Variants in MZF1 observed in about 807,000 individuals in gnomAD.
MZF1 encodes myeloid zinc finger 1, also known as zinc finger and SCAN domain-containing protein 6.
Under a neutral mutation model 28.6 loss-of-function variants are expected in MZF1, and 24 were observed. That is an observed-to-expected ratio of 0.84 (90% CI 0.61 to 1.18). The LOEUF is 1.18. MZF1 is among the 50% of genes most tolerant of loss of function. The pLI is 0.00. For missense variants in MZF1, 1,166 were observed against 1,026.4 expected (o/e 1.14, Z -1.86); for synonymous variants, 516 against 432.5 (o/e 1.19, Z -2.40).
intron 1 of MZF1, 98 bp from the exon 2 acceptor site, chr19:58,571,527 T>C (rs2054163732): frequency 7.1e-6 from 8 of 1,126,956 alleles, no homozygotes; most frequent in Non-Finnish European, 9.9e-6. Flanking sequence ...ACCTACCCCA[T>C]GTGGAAGGCA....
intron 5 of MZF1, among the ~76,000 whole-genome samples, chr19:58,564,852 C>CA (rs1376914614): frequency 8.0e-6 from 1 of 125,044 alleles, no homozygotes; most frequent in African/African-American, 3.0e-5. Flanking sequence ...GGAAGATGCA[C>CA]AAAAAATGCC....
chr19:58,570,106 T>C (rs1179710760), intron 3 of MZF1: 1 of 462,048 alleles, frequency 2.2e-6, no homozygotes, highest in East Asian at 3.6e-5. Context: ...GCCTGCTCCA[T>C]GCCATGGGGT....
chr19:58,567,989 C>A (rs1253677661), intron 5 of MZF1, among the ~76,000 whole-genome samples: 1 of 152,150 alleles, frequency 6.6e-6, no homozygotes, highest in African/African-American at 2.4e-5. Context: ...GTAATCCCAG[C>A]ACTCTGGGAG....
rs761167713 is a variant in MZF1 at position 58,563,452 on chromosome 19, A to C, written c.825T>G (p.Pro275=). Residue 275 remains proline (P), a synonymous_variant, in exon 6 of 6, where the codon CCT becomes CCG. Coordinates refer to ENST00000215057, the MANE Select transcript of MZF1 (RefSeq NM_198055.2). ...SISAGPGSVS[P]HLHVPWDLGM... ...CGAGGTCCCAGGGGACGTGGAGGTG[A>C]GGGCTTACACTACCTGGACCTGCGG... 2 of 1,581,548 alleles carry C rather than the reference A, an allele frequency of 1.3e-6. No homozygotes were observed. Among genetic ancestry groups the C allele is most frequent in the East Asian group, 4.7e-5 (2 of 43,004 alleles).
chr19:58,569,586 T>C lies in MZF1; in HGVS notation c.581A>G (p.Asp194Gly). The C allele has an allele frequency of 6.3e-7, 1 of 1,598,960 alleles. No individual in the cohort carries two copies. The highest frequency in any genetic ancestry group is 1.1e-5 in the South Asian group (1 of 89,624). The change falls in exon 4 of 6, where the codon GAT (aspartate) becomes GGT (glycine). Residue 194 changes from aspartate to glycine, a missense_variant and splice_region_variant. Transcript: ENST00000215057. ...AGCTAGAGGCCCAGACTCCAGGAAA[T>C]CTAGAGAGGAAAACTGGTATCAGGC... ...KEESEVTEDSDFLESGPLAAT... is the reference protein window; with the variant it reads ...KEESEVTEDSGFLESGPLAAT...
At chr19:58,564,254 G>A (rs1198589825) in intron 5 of MZF1, 1 of 152,094 alleles carries the variant, frequency 6.6e-6, no homozygotes, top group African/African-American at 2.4e-5. Flanking sequence ...AGTCGCCAAA[G>A]AAAAGTCAGA....
chr19:58,569,438 G>A (rs369480646), intron 4 of MZF1, 41 bp from the exon 5 acceptor site: 1 of 1,613,948 alleles, frequency 6.2e-7, no homozygotes, highest in Non-Finnish European at 8.5e-7. Context: ...GCCTGGCTGG[G>A]CTCAGGGAGG....
intron 2 of MZF1, 82 bp from the exon 3 acceptor site, chr19:58,570,609 C>G (rs1367145215): frequency 6.3e-6 from 9 of 1,434,976 alleles, no homozygotes; most frequent in African/African-American, 1.4e-5. Context: ...GCCCATCCCA[C>G]TGTAGGATCC....
rs1202620604 is a variant in MZF1, at chr19:58,562,717, C to T, written c.1560G>A (p.Glu520=). ...DKSFGCVECG[E]RFGRRSVLLQ... is the part of the protein sequence containing the mutation. Reference sequence around the variant, plus strand: ...GCAGCACTGAGCGGCGGCCGAAGCGCTCGCCGCACTCGACGCAGCCAAAGG... The same window carrying T: ...GCAGCACTGAGCGGCGGCCGAAGCGTTCGCCGCACTCGACGCAGCCAAAGG... The change falls in exon 6 of 6, where the codon GAG becomes GAA. Residue 520 remains glutamate, a synonymous_variant. Transcript: ENST00000215057. 2.0e-6 allele frequency: 3 copies of T among 1,535,908 alleles called. No homozygotes were observed. Among genetic ancestry groups the T allele is most frequent in the Non-Finnish European group, 2.6e-6 (3 of 1,147,280 alleles).
At chr19:58,571,859 G>C (rs1047298614) in intron 1 of MZF1, 6 of 170,016 alleles carry the variant, frequency 3.5e-5, no homozygotes, top group African/African-American at 7.2e-5. Context: ...TTTCTGTAGG[G>C]ATGGGATCTT....
intron 1 of MZF1, among the ~76,000 whole-genome samples, chr19:58,572,109 G>C (rs1043696772): frequency 2.0e-5 from 3 of 152,034 alleles, no homozygotes; most frequent in African/African-American, 7.3e-5. Context: ...CTACAGCCTG[G>C]GCATCAGCAT....
rs541347787 is a variant in MZF1, at chr19:58,571,311, A to G, written c.79T>C (p.Ser27Pro). 2 of 1,614,056 alleles carry G rather than the reference A, an allele frequency of 1.2e-6. No homozygotes were observed. Among genetic ancestry groups the G allele is most frequent in the South Asian group, 2.2e-5 (2 of 91,070 alleles). ...AAGGCAGCCTCACCCTCCTCCTCAGAGTCCTCTAGCTTCACCATGACAGGC... is the reference window on the plus strand; with the variant it reads ...AAGGCAGCCTCACCCTCCTCCTCAGGGTCCTCTAGCTTCACCATGACAGGC... ...EGPVMVKLED[S>P]EEEGEAALWD... The change falls in exon 2 of 6, where the codon TCT becomes CCT. Residue 27 changes from serine (S) to proline (P), a missense_variant. By Grantham distance (74) the Ser-to-Pro change is moderately conservative. Coordinates refer to ENST00000215057, the MANE Select transcript of MZF1 (RefSeq NM_198055.2).
rs756430707 is a variant in MZF1, at chr19:58,562,525, G to T, written c.1752C>A (p.Leu584=). ...CCGTGTGTACGCGGAGATGCTGCGT[G>T]AGCGTAGGCCGCTGGCGGAAGGCCT... ...CGKAFRQRPT[L]TQHLRVHTGE... is the part of the protein sequence containing the mutation. Residue 584 remains leucine, a synonymous_variant, in exon 6 of 6, where the codon CTC becomes CTA. Transcript: ENST00000215057. The T allele has an allele frequency of 1.2e-6, 2 of 1,609,306 alleles. No homozygotes were observed. The highest frequency in any genetic ancestry group is 8.5e-7 in the Non-Finnish European group (1 of 1,178,722).
chr19:58,570,164 T>C (rs2054131275), intron 3 of MZF1, 180 bp downstream of exon 3: 2 of 617,872 alleles, frequency 3.2e-6, no homozygotes, highest in African/African-American at 3.7e-5. Context: ...TGAGGGGTAG[T>C]GACAGCACTG....
rs142545256 is a variant in MZF1, at chr19:58,567,243, T to C, written c.772+2034A>G. Among the ~76,000 whole-genome samples, 1,349 of 152,312 alleles carry C rather than the reference T, an allele frequency of 8.9e-3. 14 individuals carry two copies. Among genetic ancestry groups the C allele is most frequent in the Middle Eastern group, 0.058 (17 of 294 alleles). Reference sequence around the variant, plus strand: ...TAAAAACTCAGGAGTTGGAGGTACCTGGTACTTCTGGCCATGCAAGTGAAT... The same window carrying C: ...TAAAAACTCAGGAGTTGGAGGTACCCGGTACTTCTGGCCATGCAAGTGAAT... On this transcript the variant is annotated intron_variant, in intron 5 of 5. Coordinates refer to ENST00000215057, the MANE Select transcript of MZF1 (RefSeq NM_198055.2).
chr19:58,561,972 C>A lies in MZF1; in HGVS notation c.*100G>T. Reference sequence around the variant, plus strand: ...TATTGGACACCTACAGTAGCCAAGCCCTGGGCGGACCTGCTTATACTTATG... The same window carrying A: ...TATTGGACACCTACAGTAGCCAAGCACTGGGCGGACCTGCTTATACTTATG... On this transcript the variant is annotated 3_prime_UTR_variant, in exon 6 of 6. Transcript: ENST00000215057. The A allele has an allele frequency of 7.9e-7, 1 of 1,271,582 alleles. No individual in the cohort carries two copies. The highest frequency in any genetic ancestry group is 1.1e-6 in the Non-Finnish European group (1 of 930,680). 78.8% of individuals were successfully genotyped at this position (1,271,582 alleles called of 1,614,324 possible). A position where few individuals can be genotyped will look rare whatever the true frequency, so the allele number is the denominator to read the frequency against.
In MZF1 at chr19:58,562,584, C is replaced by T. The variant is rs2053950943; in HGVS notation, c.1693G>A (p.Gly565Arg). The T allele has an allele frequency of 3.8e-6, 6 of 1,591,310 alleles. No individual in the cohort carries two copies. Among genetic ancestry groups the T allele is most frequent in the Non-Finnish European group, 5.1e-6 (6 of 1,171,806 alleles). Residue 565 changes from glycine to arginine, a missense_variant, in exon 6 of 6, where the codon GGG becomes AGG. Transcript: ENST00000215057. ...TCGGCGCAGGCGAAGGGCCGCTCCC[C>T]GGTGTGGATGCGCCGGTGCTGCGTC... ...NLTQHRRIHTGERPFACAECG... is the reference protein window; with the variant it reads ...NLTQHRRIHTRERPFACAECG...
Position 58,562,248 on chromosome 19 carries a change from C to T in MZF1, c.2029G>A (p.Gly677Ser), listed in dbSNP as rs1372019119. 3.2e-5 allele frequency: 51 copies of T among 1,604,662 alleles called. No homozygotes were observed. Among genetic ancestry groups the T allele is most frequent in the Non-Finnish European group, 3.7e-5 (44 of 1,177,142 alleles). The change falls in exon 6 of 6, where the codon GGT (glycine) becomes AGT (serine). Residue 677 changes from glycine to serine, a missense_variant. Coordinates refer to ENST00000215057, the MANE Select transcript of MZF1 (RefSeq NM_198055.2). ...TCAGGGCATGCGTAGGGCCGTTCAC[C>T]CGTGTGGATGCGCCGGTGCTGGGTG... ...NLTQHRRIHT[G>S]ERPYACPECG...
Position 58,562,605 on chromosome 19 carries a change from G to A in MZF1, c.1672C>T (p.Gln558Ter). ...TCCCCGGTGTGGATGCGCCGGTGCT[G>A]CGTCAGGTTGGAGCGCTGCCGGAAG... Reference protein sequence around the residue: ...QSFRQRSNLTQHRRIHTGERP... With the variant: ...QSFRQRSNLT The change falls in exon 6 of 6, where the codon CAG becomes TAG. Residue 558 changes from glutamine (Q) to a stop codon, truncating the protein, a stop_gained. Coordinates refer to ENST00000215057, the MANE Select transcript of MZF1 (RefSeq NM_198055.2). LOFTEE classifies it low-confidence loss of function (END_TRUNC). 6.3e-7 allele frequency: 1 copy of A among 1,580,204 alleles called. No individual in the cohort carries two copies. The highest frequency in any genetic ancestry group is 8.6e-7 in the Non-Finnish European group (1 of 1,167,434).
Sources: gnomAD v4.1 joint callset for allele counts (sites outside exome capture counted in the v4.1 genomes callset) on GRCh38, gnomAD v4.1.1 for gene constraint, MANE v1.5 for transcripts, NCBI Gene and HGNC (gene_info 2026-07-23, HGNC 2026-07-21) for gene names.